The following DPP10 variants were observed in gnomAD, a reference collection of about 807,000 sequenced individuals.
The protein encoded by DPP10 is dipeptidyl peptidase like 10.
A neutral mutation model predicts 120.9 loss-of-function variants in DPP10; 33 were observed. The observed-to-expected ratio is 0.27, with a 90% CI of 0.21 to 0.37. The LOEUF is 0.37. Among genes scored for constraint, DPP10 ranks in the 10% least tolerant of loss-of-function variants. DPP10 has a pLI of 1.00. For synonymous variants in DPP10, 337 were observed against 326.1 expected, an observed-to-expected ratio of 1.03 and a Z score of -0.36; for missense variants, 816 against 942.8, an observed-to-expected ratio of 0.87 and a Z score of 1.76.
chr2:115,062,326 T>G (rs143183564), intron 1 of DPP10, among the ~76,000 whole-genome samples: 1 of 152,212 alleles, frequency 6.6e-6, no homozygotes, highest in Non-Finnish European at 1.5e-5. Context: ...AGCTTAATTT[T>G]GTATATTTTG....
At chr2:114,992,721 C>G (rs1048094227) in intron 1 of DPP10, among the ~76,000 whole-genome samples, 1 of 152,090 alleles carries the variant, frequency 6.6e-6, no homozygotes, top group Admixed American at 6.6e-5. Context: ...AAACAGGGTT[C>G]AGTTACTAAA....
intron 21 of DPP10, among the ~76,000 whole-genome samples, chr2:115,816,589 A>C (rs936962241): frequency 6.7e-6 from 1 of 149,092 alleles, no homozygotes; most frequent in African/African-American, 2.5e-5. Flanking sequence ...GATATTTATT[A>C]GTTTGTTTTT....
intron 1 of DPP10, among the ~76,000 whole-genome samples, chr2:114,921,311 G>A (rs914819725): frequency 4.6e-5 from 7 of 152,284 alleles, no homozygotes; most frequent in Non-Finnish European, 8.8e-5. Flanking sequence ...AGCAGCATAA[G>A]TTAGTGATTC....
intron 4 of DPP10, among the ~76,000 whole-genome samples, chr2:115,515,495 G>A (rs2077454250): frequency 6.6e-6 from 1 of 151,972 alleles, no homozygotes; most frequent in Middle Eastern, 3.2e-3. Context: ...GGCCATTGTT[G>A]TTTTCTGGTG....
chr2:114,582,682 G>T (rs1690632794), intron 1 of DPP10, among the ~76,000 whole-genome samples: 1 of 152,112 alleles, frequency 6.6e-6, no homozygotes, highest in Admixed American at 6.5e-5. Flanking sequence ...GTATTTCGTT[G>T]ATGACGTATG....
chr2:115,652,472 C>A (rs147307241), intron 5 of DPP10, among the ~76,000 whole-genome samples: 2 of 147,350 alleles, frequency 1.4e-5, no homozygotes, highest in Non-Finnish European at 1.5e-5. Flanking sequence ...TCTCTAATAC[C>A]TTTATATATT....
intron 1 of DPP10, among the ~76,000 whole-genome samples, chr2:114,592,895 C>A (rs1384173285): frequency 6.6e-6 from 1 of 152,100 alleles, no homozygotes; most frequent in Non-Finnish European, 1.5e-5. Flanking sequence ...AATTCATGTT[C>A]ATAACTGGTA....
chr2:115,369,141 A>G (rs928649112), intron 3 of DPP10, among the ~76,000 whole-genome samples: 5 of 152,196 alleles, frequency 3.3e-5, no homozygotes, highest in South Asian at 2.1e-4. Flanking sequence ...TCACATTTCA[A>G]TATATCTAAC....
At chr2:115,538,843 T>G (rs1232792095) in intron 5 of DPP10, among the ~76,000 whole-genome samples, 1 of 151,946 alleles carries the variant, frequency 6.6e-6, no homozygotes, top group Non-Finnish European at 1.5e-5. Context: ...CAAATTGAGG[T>G]AAAAATTGTA....
intron 7 of DPP10, among the ~76,000 whole-genome samples, chr2:115,692,643 T>TA (rs1400170770): frequency 1.3e-5 from 2 of 152,104 alleles, no homozygotes; most frequent in Non-Finnish European, 2.9e-5. Flanking sequence ...TAGGCTTTTT[T>TA]AAAATTTGAA....
intron 5 of DPP10, among the ~76,000 whole-genome samples, chr2:115,652,409 A>ATGTGTTTGTGTGTGTG (rs1181566449): frequency 6.9e-6 from 1 of 145,490 alleles, no homozygotes; most frequent in African/African-American, 2.6e-5. Context: ...TAGGATATAT[A>ATGTGTTTGTGTGTGTG]TGTGTGTGTG....
At chr2:114,599,836 T>G (rs747093129) in intron 1 of DPP10, among the ~76,000 whole-genome samples, 5 of 151,736 alleles carry the variant, frequency 3.3e-5, no homozygotes, top group Non-Finnish European at 5.9e-5. Context: ...TAGATTTAAT[T>G]ATTGTTTGTG....
intron 1 of DPP10, among the ~76,000 whole-genome samples, chr2:114,631,683 A>C (rs1242172170): frequency 6.6e-6 from 1 of 152,200 alleles, no homozygotes; most frequent in Non-Finnish European, 1.5e-5. Context: ...ATACATATCA[A>C]GACACTTCAC....
intron 1 of DPP10, among the ~76,000 whole-genome samples, chr2:114,799,964 C>A (rs1475389263): frequency 1.3e-5 from 2 of 152,132 alleles, no homozygotes; most frequent in African/African-American, 4.8e-5. Context: ...AAAGCAAAAC[C>A]TTGAATATGA....
chr2:115,490,600 A>G (rs1225722248), intron 3 of DPP10, among the ~76,000 whole-genome samples: 1 of 152,198 alleles, frequency 6.6e-6, no homozygotes, highest in Non-Finnish European at 1.5e-5. Flanking sequence ...TCCCTGGGCC[A>G]TGGTCACTAA....
chr2:115,252,109 G>T (rs186608133), intron 1 of DPP10, among the ~76,000 whole-genome samples: 53 of 152,250 alleles, frequency 3.5e-4, no homozygotes, highest in African/African-American at 1.0e-3. Flanking sequence ...ATAAATTATA[G>T]GATTAATTTG....
chr2:114,720,993 G>C (rs1348853179), intron 1 of DPP10, among the ~76,000 whole-genome samples: 2 of 152,182 alleles, frequency 1.3e-5, no homozygotes, highest in Non-Finnish European at 2.9e-5. Context: ...AATTGCAGCA[G>C]ACTTTGCATT....
chr2:114,749,876 C>G lies in DPP10; in HGVS notation c.60+307038C>G, dbSNP rs1679038894. 5.3e-5 allele frequency among the ~76,000 whole-genome samples: 8 copies of G among 152,076 alleles called. No homozygotes were observed. The South Asian group carries it at 1.7e-3, about 31-fold the overall frequency. On this transcript the variant is annotated intron_variant, in intron 1 of 25. Coordinates refer to ENST00000410059, the MANE Select transcript of DPP10 (RefSeq NM_020868.6). ...TGTTGTAAATTTGTCCTAGATCCTC[C>G]ACATAATGCTGTGTTAAGGAAATAA...
At chr2:115,226,609 C>T (rs1421613819) in intron 1 of DPP10, among the ~76,000 whole-genome samples, 1 of 152,170 alleles carries the variant, frequency 6.6e-6, no homozygotes, top group African/African-American at 2.4e-5. Flanking sequence ...TAATCTTATT[C>T]AGCTATGAAA....
Sources: allele counts gnomAD v4.1 joint callset (sites outside exome capture counted in the v4.1 genomes callset), GRCh38; gene constraint gnomAD v4.1.1; transcripts MANE v1.5; gene names NCBI Gene and HGNC (gene_info 2026-07-23, HGNC 2026-07-21).